Variants in KCNH1 observed in about 807,000 individuals in gnomAD.
KCNH1 encodes the protein potassium voltage-gated channel subfamily H member 1.
Under a neutral mutation model 69.2 loss-of-function variants are expected in KCNH1, and 27 were observed. The observed-to-expected ratio is 0.39, with a 90% CI of 0.29 to 0.54. KCNH1 has a LOEUF of 0.54. KCNH1 is among the 20% of genes least tolerant of loss of function. The probability of loss-of-function intolerance (pLI) is 0.68; values close to 1 mark genes in which losing one functional copy is unlikely to be tolerated. For missense variants in KCNH1, 798 were observed against 1,261.6 expected (o/e 0.63, Z 5.57); for synonymous variants, 456 against 487.7 (o/e 0.93, Z 0.86).
chr1:210,904,867 A>G (rs1687070419), intron 7 of KCNH1, among the ~76,000 whole-genome samples: 1 of 152,212 alleles, frequency 6.6e-6, no homozygotes, highest in South Asian at 2.1e-4. Flanking sequence ...ACAGATGAGG[A>G]AACTGAAGCT....
At chr1:210,925,590 C>G (rs963753682) in intron 6 of KCNH1, among the ~76,000 whole-genome samples, 2 of 152,174 alleles carry the variant, frequency 1.3e-5, no homozygotes, top group Non-Finnish European at 2.9e-5. Context: ...CAGGGTGAAG[C>G]CTGTGACTGC....
intron 5 of KCNH1, among the ~76,000 whole-genome samples, chr1:211,045,954 G>T (rs1236792435): frequency 5.9e-5 from 9 of 152,042 alleles, no homozygotes; most frequent in Admixed American, 5.9e-4. Flanking sequence ...TCTGCGTCTG[G>T]CTTATTTCAC....
chr1:210,853,957 A>AAAAAAC, intron 7 of KCNH1, among the ~76,000 whole-genome samples: 4 of 148,192 alleles, frequency 2.7e-5, no homozygotes, highest in Non-Finnish European at 5.9e-5. Context: ...AAAAAAAAAA[A>AAAAAAC]AAAAAAAAAA....
At chr1:210,955,888 C>A (rs887572574) in intron 6 of KCNH1, among the ~76,000 whole-genome samples, 1 of 152,110 alleles carries the variant, frequency 6.6e-6, no homozygotes, top group South Asian at 2.1e-4. Context: ...ATTGAATACC[C>A]TTTATTTCCT....
At chr1:210,983,267 A>T (rs1253951869) in intron 6 of KCNH1, among the ~76,000 whole-genome samples, 66 of 152,158 alleles carry the variant, frequency 4.3e-4, no homozygotes, top group South Asian at 6.2e-4. Flanking sequence ...AGAAGCTCTT[A>T]AATTTAATTA....
At chr1:210,713,157 C>T (rs1031987507) in intron 10 of KCNH1, among the ~76,000 whole-genome samples, 2 of 152,110 alleles carry the variant, frequency 1.3e-5, no homozygotes, top group African/African-American at 4.8e-5. Context: ...GAAAGATGCT[C>T]GCTTAGATGC....
At chr1:210,889,063 C>A (rs558594585) in intron 7 of KCNH1, among the ~76,000 whole-genome samples, 2 of 152,288 alleles carry the variant, frequency 1.3e-5, no homozygotes, top group South Asian at 4.1e-4. Flanking sequence ...ATGAGGCCAG[C>A]ATCATCCTGA....
In KCNH1 at chr1:210,696,123, C is replaced by T. The variant is rs117004632; in HGVS notation, c.2113-11985G>A. On this transcript the variant is annotated intron_variant, in intron 10 of 10. Coordinates refer to ENST00000271751, the MANE Select transcript of KCNH1 (RefSeq NM_172362.3). ...CAGCTCCACAGCTCTCCCCATTCTC[C>T]GGGACACAGGTCAAGCCAAGCTCTC... Among the ~76,000 whole-genome samples, 28 of 152,304 alleles carry T rather than the reference C, an allele frequency of 1.8e-4. No individual in the cohort carries two copies. In the East Asian group the frequency reaches 3.3e-3, roughly 18 times the overall value.
intron 1 of KCNH1, among the ~76,000 whole-genome samples, chr1:211,119,127 G>A (rs7538435): frequency 0.23 from 35,742 of 152,166 alleles, 4,689 homozygotes; most frequent in African/African-American, 0.34. Flanking sequence ...TTGGGAGGCC[G>A]AGGCAGGCAG....
rs1030113388 is a variant in KCNH1, at chr1:211,127,461, A to G, written c.79+6406T>C. On this transcript the variant is annotated intron_variant, in intron 1 of 10. Coordinates refer to ENST00000271751, the MANE Select transcript of KCNH1 (RefSeq NM_172362.3). ...AAAAAAAAAATCCCACCACACTTGC[A>G]TGTACCCTTTGCACATAATTCAAAC... Among the ~76,000 whole-genome samples, 9 of 151,612 alleles carry G rather than the reference A, an allele frequency of 5.9e-5. No individual in the cohort carries two copies. The East Asian group carries it at 9.7e-4, about 16-fold the overall frequency.
chr1:211,025,921 G>T (rs1202575824), intron 5 of KCNH1, among the ~76,000 whole-genome samples: 2 of 152,004 alleles, frequency 1.3e-5, no homozygotes, highest in Non-Finnish European at 2.9e-5. Context: ...CCACATTCTT[G>T]CCACCTGTAT....
intron 7 of KCNH1, among the ~76,000 whole-genome samples, chr1:210,840,992 A>G (rs1031281690): frequency 7.9e-5 from 12 of 152,060 alleles, no homozygotes; most frequent in Admixed American, 3.9e-4. Context: ...CTGTCCCACA[A>G]ATGTGGGCCA....
chr1:210,798,040 C>CTTTT (rs540791928), intron 8 of KCNH1, among the ~76,000 whole-genome samples: 1 of 131,364 alleles, frequency 7.6e-6, no homozygotes, highest in African/African-American at 2.8e-5. Flanking sequence ...GGGAAGGTGA[C>CTTTT]TTTTTTTTTT....
chr1:210,893,831 T>C (rs1450486392), intron 7 of KCNH1, among the ~76,000 whole-genome samples: 1 of 152,162 alleles, frequency 6.6e-6, no homozygotes, highest in African/African-American at 2.4e-5. Context: ...CATATTGCTG[T>C]GTCTTCAAGT....
At chr1:210,890,755 A>C (rs1384633494) in intron 7 of KCNH1, among the ~76,000 whole-genome samples, 2 of 152,244 alleles carry the variant, frequency 1.3e-5, no homozygotes, top group Non-Finnish European at 2.9e-5. Flanking sequence ...TTATAAAAGG[A>C]AGACATTTAT....
chr1:211,119,552 A>T (rs1034878532), intron 1 of KCNH1, among the ~76,000 whole-genome samples: 12 of 152,182 alleles, frequency 7.9e-5, no homozygotes, highest in Admixed American at 2.6e-4. Context: ...ATTACTTCAA[A>T]AAAAAAAGAC....
chr1:211,089,814 T>C (rs1368812818), intron 4 of KCNH1, among the ~76,000 whole-genome samples: 1 of 152,134 alleles, frequency 6.6e-6, no homozygotes, highest in Non-Finnish European at 1.5e-5. Context: ...GAACGAGGGA[T>C]GTGAAAGAGG....
intron 5 of KCNH1, among the ~76,000 whole-genome samples, chr1:211,035,188 A>T (rs1410782447): frequency 6.9e-6 from 1 of 145,656 alleles, no homozygotes; most frequent in East Asian, 2.1e-4. Context: ...CTCTCTTCCC[A>T]TCTCTAGGAT....
At chr1:210,903,997 G>A (rs186620406) in intron 7 of KCNH1, among the ~76,000 whole-genome samples, 1 of 152,288 alleles carries the variant, frequency 6.6e-6, no homozygotes, top group African/African-American at 2.4e-5. Flanking sequence ...AGCTGCAGTG[G>A]GCATAGAAAG....
Sources: allele counts gnomAD v4.1 joint callset (sites outside exome capture counted in the v4.1 genomes callset), GRCh38; gene constraint gnomAD v4.1.1; transcripts MANE v1.5; gene names NCBI Gene and HGNC (gene_info 2026-07-23, HGNC 2026-07-21).